The following POF1B variants were observed in gnomAD, a reference collection of about 807,000 sequenced individuals.
POF1B encodes protein POF1B.
A neutral mutation model predicts 55.3 loss-of-function variants in POF1B; 53 were observed. That is an observed-to-expected ratio of 0.96 (90% CI 0.77 to 1.20). POF1B has a LOEUF of 1.20. POF1B is among the 50% of genes most tolerant of loss of function. The probability of loss-of-function intolerance (pLI) is 0.00; values close to 1 mark genes in which losing one functional copy is unlikely to be tolerated. For synonymous variants in POF1B, 188 were observed against 148.3 expected (o/e 1.27, Z -1.95); for missense variants, 478 against 420.5 (o/e 1.14, Z -1.20).
chrX:85,378,111 T>C (rs188372673), intron 2 of POF1B, among the ~76,000 whole-genome samples: 4 of 111,699 alleles, frequency 3.6e-5, no homozygotes, highest in African/African-American at 1.3e-4. Flanking sequence ...ATGACCTTTA[T>C]ATTTTTCTTC....
Position 85,346,012 on chromosome X carries a change from G to T in POF1B, c.571C>A (p.His191Asn). 8.3e-7 allele frequency: 1 copy of T among 1,198,044 alleles called. No homozygotes were observed. The highest frequency in any genetic ancestry group is 1.8e-5 in the South Asian group (1 of 54,159). The change falls in exon 6 of 17, where the codon CAC becomes AAC. Residue 191 changes from histidine to asparagine, a missense_variant. His to Asn is a moderately conservative substitution (Grantham distance 68). Coordinates refer to ENST00000262753, the MANE Select transcript of POF1B (RefSeq NM_024921.4). ...GCHPQAQCHH[H>N]IIQQPQVIHS... ...ATGACCTGGGGCTGTTGGATAATGTGATGATGGCATTGAGCCTGAGGATGG... is the reference window on the plus strand; with the variant it reads ...ATGACCTGGGGCTGTTGGATAATGTTATGATGGCATTGAGCCTGAGGATGG...
Position 85,331,033 on chromosome X carries a change from A to G in POF1B, c.770T>C (p.Phe257Ser), listed in dbSNP as rs1003579913. The change falls in exon 7 of 17, where the codon TTT becomes TCT. Residue 257 changes from phenylalanine (F) to serine (S), a missense_variant. Transcript: ENST00000262753. ...GCTCAGATCAGCAAGCAACTCTCCA[A>G]AATATCTGGGGTCCAATTTTTCAGG... ...DGPEKLDPRY[F>S]GELLADLSRK... 2 of 1,205,161 alleles carry G rather than the reference A, an allele frequency of 1.7e-6. No homozygotes were observed. The highest frequency in any genetic ancestry group is 3.5e-5 in the African/African-American group (2 of 56,977).
At chrX:85,294,269 T>C (rs1215506934) in intron 15 of POF1B, among the ~76,000 whole-genome samples, 1 of 111,699 alleles carries the variant, frequency 9.0e-6, no homozygotes, top group Non-Finnish European at 1.9e-5. Flanking sequence ...ATGGGAGGGT[T>C]AGAGAGAACA....
chrX:85,351,348 A>T lies in POF1B; in HGVS notation c.540+2T>A. On this transcript the variant is annotated splice_donor_variant, in intron 5 of 16. Transcript: ENST00000262753. LOFTEE classifies it high-confidence loss of function. ...CAAGTTTTAAAACAAAATATTACTT[A>T]CCTGATCAGTATTTAGCTTCTCCAC... 1 of 1,136,313 alleles carries T rather than the reference A, an allele frequency of 8.8e-7. No homozygotes were observed. The highest frequency in any genetic ancestry group is 1.2e-6 in the Non-Finnish European group (1 of 837,521). The allele number at this position is 1,136,313 out of a possible 1,213,427, so 93.6% of individuals were successfully genotyped here.
Position 85,331,048 on chromosome X carries a change from A to G in POF1B, c.755T>C (p.Leu252Ser), listed in dbSNP as rs762207576. Residue 252 changes from leucine (L) to serine (S), a missense_variant, in exon 7 of 17, where the codon TTG becomes TCG. By Grantham distance (145) the Leu-to-Ser change is moderately radical (BLOSUM62 -2). Transcript: ENST00000262753. The stretch of plus-strand genomic sequence containing the variant: ...CAACTCTCCAAAATATCTGGGGTCC[A>G]ATTTTTCAGGGCCATCATCCTGAAT... ...VIIQDDGPEK[L>S]DPRYFGELLA... 2 of 1,205,459 alleles carry G rather than the reference A, an allele frequency of 1.7e-6. No homozygotes were observed. The highest frequency in any genetic ancestry group is 6.0e-5 in the East Asian group (2 of 33,515).
chrX:85,358,210 A>C (rs189475149), intron 4 of POF1B, among the ~76,000 whole-genome samples: 96 of 111,638 alleles, frequency 8.6e-4, no homozygotes, highest in Middle Eastern at 4.6e-3. Context: ...TACCTTAAAC[A>C]CCACAATAAA....
At chrX:85,345,757 T>A (rs1485506645) in intron 6 of POF1B, 103 bp downstream of exon 6, 1 of 752,618 alleles carries the variant, frequency 1.3e-6, no homozygotes. Flanking sequence ...ATATAACTTC[T>A]CAGTATTTTG....
At position 85,379,287 on chromosome X, in the gene POF1B, A is replaced by G; in HGVS notation, c.168T>C (p.Ser56=). The G allele has an allele frequency of 1.7e-6, 2 of 1,210,748 alleles. No homozygotes were observed. The highest frequency in any genetic ancestry group is 3.5e-5 in the South Asian group (2 of 56,918). The change falls in exon 2 of 17, where the codon AGT becomes AGC. Residue 56 remains serine (S), a synonymous_variant. Transcript: ENST00000262753. ...CCTGCACCACCTTGTTCATGGGCCC[A>G]CTGTAGGTCCTCACTCGCTCATACA... The part of the protein sequence containing the change: ...NVVYERVRTY[S]GPMNKVVQAL...
chrX:85,341,467 G>T (rs1019954028), intron 6 of POF1B, among the ~76,000 whole-genome samples: 1 of 111,172 alleles, frequency 9.0e-6, no homozygotes, highest in Non-Finnish European at 1.9e-5. Flanking sequence ...AGTTGAGTTT[G>T]CCATAAAACA....
intron 7 of POF1B, among the ~76,000 whole-genome samples, chrX:85,322,288 C>T (rs1028914719): frequency 2.7e-5 from 3 of 110,664 alleles, no homozygotes; most frequent in Non-Finnish European, 5.7e-5. Context: ...GAAATAATGC[C>T]ACATATCTAC....
chrX:85,283,714 A>G (rs1161153028), intron 15 of POF1B, among the ~76,000 whole-genome samples: 2 of 110,563 alleles, frequency 1.8e-5, no homozygotes, highest in African/African-American at 6.6e-5. Context: ...TGAACGTGAA[A>G]AAAAGAAACA....
chrX:85,323,592 T>C (rs1238851268), intron 7 of POF1B, among the ~76,000 whole-genome samples: 2 of 107,483 alleles, frequency 1.9e-5, no homozygotes, highest in African/African-American at 3.3e-5. Context: ...ACTTAAAGTA[T>C]AATAATAATA....
At chrX:85,374,780 T>C (rs1933893472) in intron 2 of POF1B, among the ~76,000 whole-genome samples, 1 of 112,230 alleles carries the variant, frequency 8.9e-6, no homozygotes, top group African/African-American at 3.2e-5. Flanking sequence ...CCCTGAATAG[T>C]ATGGGAGATG....
chrX:85,296,254 C>T (rs67731565), intron 15 of POF1B, among the ~76,000 whole-genome samples: 14,600 of 110,828 alleles, frequency 0.13, 711 homozygotes, highest in South Asian at 0.18. Flanking sequence ...TAGTTAGTAT[C>T]GATACGTAAG....
chrX:85,325,547 T>C (rs144729008), intron 7 of POF1B, among the ~76,000 whole-genome samples: 1,351 of 112,352 alleles, frequency 0.012, 16 homozygotes, highest in Admixed American at 0.036. Context: ...TTTCTTATAA[T>C]AGCCATTTTG....
intron 7 of POF1B, among the ~76,000 whole-genome samples, chrX:85,320,203 C>A (rs1308355602): frequency 1.8e-5 from 2 of 110,095 alleles, no homozygotes; most frequent in Non-Finnish European, 1.9e-5. Flanking sequence ...TTTCTATCCC[C>A]TTTTCATTTC....
At chrX:85,281,193 T>TA (rs1931889081) in intron 16 of POF1B, among the ~76,000 whole-genome samples, 1 of 107,597 alleles carries the variant, frequency 9.3e-6, no homozygotes, top group South Asian at 4.0e-4. Flanking sequence ...TTTTTTTTTT[T>TA]ACTGTTATTA....
At chrX:85,286,179 C>T (rs923983086) in intron 15 of POF1B, among the ~76,000 whole-genome samples, 3 of 110,889 alleles carry the variant, frequency 2.7e-5, no homozygotes, top group African/African-American at 9.8e-5. Flanking sequence ...TCATATTAGT[C>T]ATATGAAGGA....
At chrX:85,377,811 TCCGGTAG>T (rs1933945681) in intron 2 of POF1B, among the ~76,000 whole-genome samples, 1 of 112,068 alleles carries the variant, frequency 8.9e-6, no homozygotes, top group Non-Finnish European at 1.9e-5. Flanking sequence ...CTAAAAATTG[TCCGGTAG>T]CCAATATTTA....
Sources: gnomAD v4.1 joint callset for allele counts (sites outside exome capture counted in the v4.1 genomes callset) on GRCh38, gnomAD v4.1.1 for gene constraint, MANE v1.5 for transcripts, NCBI Gene and HGNC (gene_info 2026-07-23, HGNC 2026-07-21) for gene names.